Variants in MGST1 observed in about 807,000 individuals in gnomAD.
MGST1 encodes microsomal glutathione S-transferase 1, also known as glutathione S-transferase 12.
A neutral mutation model predicts 8.9 loss-of-function variants in MGST1; 5 were observed. That is an observed-to-expected ratio of 0.56 (90% CI 0.29 to 1.19). MGST1 has a LOEUF of 1.19. Among genes scored for constraint, MGST1 ranks in the 50% most tolerant of loss-of-function variants. The pLI, the probability that MGST1 is intolerant of heterozygous loss-of-function variation, is 0.08. For missense variants in MGST1, 182 were observed against 187.4 expected (o/e 0.97, Z 0.17); for synonymous variants, 54 against 67.8 (o/e 0.80, Z 1.00).
intron 4 of MGST1, among the ~76,000 whole-genome samples, chr12:16,511,326 C>T (rs191975146): frequency 6.6e-6 from 1 of 152,346 alleles, no homozygotes; most frequent in African/African-American, 2.4e-5. Flanking sequence ...ATGACTTTGG[C>T]CTTTTTTACT....
intron 4 of MGST1, among the ~76,000 whole-genome samples, chr12:16,580,345 A>G (rs1943120892): frequency 1.3e-5 from 2 of 152,220 alleles, no homozygotes; most frequent in African/African-American, 4.8e-5. Context: ...GAGCAAAGAC[A>G]CCACAAGGAT....
downstream of MGST1, among the ~76,000 whole-genome samples, chr12:16,379,812 C>T (rs1047112784): frequency 2.0e-5 from 3 of 152,172 alleles, no homozygotes; most frequent in Non-Finnish European, 4.4e-5. Context: ...TTGATTATTG[C>T]CTCAATTTCA....
chr12:16,513,744 G>C lies in MGST1; in HGVS notation n.483-75784G>C. ...CCTTGGGCGAGAATAGCGAAGTCTC[G>C]AAAAGTGGCCGGTTTGTCACTGTGC... On this transcript the variant is annotated intron_variant and non_coding_transcript_variant, in intron 4 of 4. Coordinates refer to the MGST1 transcript ENST00000538857. The surrounding 1 kb of genome is among the most constrained non-coding windows in gnomAD (Gnocchi z 4.2). 1.7e-6 allele frequency: 1 copy of C among 574,934 alleles called. No homozygotes were observed. The highest frequency in any genetic ancestry group is 3.5e-6 in the Non-Finnish European group (1 of 287,438). 35.6% of individuals were successfully genotyped at this position (574,934 alleles called of 1,614,324 possible).
Position 16,587,099 on chromosome 12 carries a change from A to G in MGST1, n.483-2429A>G, listed in dbSNP as rs1943345028. Among the ~76,000 whole-genome samples, 1 of 152,192 alleles carries G rather than the reference A, an allele frequency of 6.6e-6. No homozygotes were observed. Among genetic ancestry groups the G allele is most frequent in the Non-Finnish European group, 1.5e-5 (1 of 68,014 alleles). On this transcript the variant is annotated intron_variant and non_coding_transcript_variant, in intron 4 of 4. Transcript: ENST00000538857. The surrounding 1 kb of genome is among the most constrained non-coding windows in gnomAD (Gnocchi z 4.3). ...ATCTAATGCATTTAACTACCAAACT[A>G]TGCCCACAAGGGTACTTGGACAATG...
intron 1 of MGST1, among the ~76,000 whole-genome samples, chr12:16,417,453 G>T (rs1014509674): frequency 2.6e-5 from 4 of 152,100 alleles, no homozygotes; most frequent in African/African-American, 9.7e-5. Flanking sequence ...TTTTGGTGGG[G>T]ACAGAGAGCC....
intron 1 of MGST1, among the ~76,000 whole-genome samples, chr12:16,418,513 C>T (rs575799077): frequency 2.6e-5 from 4 of 152,290 alleles, no homozygotes; most frequent in South Asian, 2.1e-4. Context: ...CACGTTTCAA[C>T]AAGCGGTGTC....
At chr12:16,531,580 T>C (rs543790095) in intron 4 of MGST1, among the ~76,000 whole-genome samples, 1 of 152,224 alleles carries the variant, frequency 6.6e-6, no homozygotes, top group African/African-American at 2.4e-5. Flanking sequence ...ATTGTGCCAC[T>C]GCACTCCAGC....
chr12:16,407,863 C>G (rs1369504699), intron 1 of MGST1, among the ~76,000 whole-genome samples: 3 of 151,718 alleles, frequency 2.0e-5, no homozygotes, highest in Non-Finnish European at 2.9e-5. Flanking sequence ...GAAACCCTGT[C>G]TCTACTAAAA....
intron 4 of MGST1, among the ~76,000 whole-genome samples, chr12:16,512,090 C>G (rs1192405953): frequency 1.3e-5 from 2 of 152,118 alleles, no homozygotes; most frequent in Admixed American, 6.5e-5. Context: ...GAATAATCTA[C>G]AACTTTGTCA....
intron 4 of MGST1, among the ~76,000 whole-genome samples, chr12:16,470,415 A>C (rs940953190): frequency 6.6e-6 from 1 of 152,208 alleles, no homozygotes; most frequent in Non-Finnish European, 1.5e-5. Flanking sequence ...ATAATAATGA[A>C]ATATTTCTCC....
intron 1 of MGST1, among the ~76,000 whole-genome samples, chr12:16,398,205 C>T (rs570959199): frequency 6.6e-6 from 1 of 152,172 alleles, no homozygotes; most frequent in South Asian, 2.1e-4. Flanking sequence ...GAGACCCCTC[C>T]CCACTTCTCT....
At chr12:16,414,281 T>C (rs1304224495) in intron 1 of MGST1, among the ~76,000 whole-genome samples, 2 of 151,366 alleles carry the variant, frequency 1.3e-5, no homozygotes, top group South Asian at 4.2e-4. Context: ...TCACAATTAA[T>C]TGGTAAACCA....
intron 1 of MGST1, among the ~76,000 whole-genome samples, chr12:16,398,910 C>G (rs955717385): frequency 2.0e-5 from 3 of 152,148 alleles, no homozygotes; most frequent in African/African-American, 7.2e-5. Context: ...TATTAAGGGT[C>G]ACCTTGTACC....
At chr12:16,463,751 GT>G (rs1379125772) in intron 4 of MGST1, among the ~76,000 whole-genome samples, 2 of 151,774 alleles carry the variant, frequency 1.3e-5, no homozygotes, top group African/African-American at 4.8e-5. Context: ...TCTACCCTAC[GT>G]AGTGTGAAAA....
chr12:16,452,780 C>G (rs1376481649), intron 4 of MGST1, among the ~76,000 whole-genome samples: 4 of 151,842 alleles, frequency 2.6e-5, no homozygotes. Flanking sequence ...CAAACAGAAG[C>G]ATCCACGACT....
intron 4 of MGST1, among the ~76,000 whole-genome samples, chr12:16,530,731 G>C (rs2137199938): frequency 6.6e-6 from 1 of 152,186 alleles, no homozygotes; most frequent in Admixed American, 6.5e-5. Context: ...CTCCATCATG[G>C]GCCAGGGCAG....
At chr12:16,357,393 A>G in intron 2 of MGST1, 1 of 437,396 alleles carries the variant, frequency 2.3e-6, no homozygotes, top group South Asian at 3.6e-5. Flanking sequence ...CTGAGTAGCT[A>G]GGACCACAGG....
At chr12:16,472,652 C>T (rs1468114637) in intron 4 of MGST1, among the ~76,000 whole-genome samples, 1 of 152,120 alleles carries the variant, frequency 6.6e-6, no homozygotes, top group Non-Finnish European at 1.5e-5. Flanking sequence ...GATATCTTTT[C>T]AGTATTTGTT....
Position 16,410,147 on chromosome 12 carries a change from C to G in MGST1, n.778+26543C>G, listed in dbSNP as rs1324315986. 6.6e-6 allele frequency among the ~76,000 whole-genome samples: 1 copy of G among 152,130 alleles called. No homozygotes were observed. Among genetic ancestry groups the G allele is most frequent in the Non-Finnish European group, 1.5e-5 (1 of 68,008 alleles). On this transcript the variant is annotated intron_variant and non_coding_transcript_variant, in intron 1 of 1. Transcript: ENST00000359720. This position sits in a 1 kb window ranked among gnomAD's most constrained non-coding sequence, Gnocchi z 4.4. Reference sequence around the variant, plus strand: ...TAAGTTTGTCAGGTTCAGCAAATGTCACAGGGTCAAAGTGGTTATAGTGCT... The same window carrying G: ...TAAGTTTGTCAGGTTCAGCAAATGTGACAGGGTCAAAGTGGTTATAGTGCT...
Sources: gnomAD v4.1 joint callset for allele counts (sites outside exome capture counted in the v4.1 genomes callset) on GRCh38, gnomAD v4.1.1 for gene constraint, Gnocchi (gnomAD v3.1) non-coding constraint, MANE v1.5 for transcripts, NCBI Gene and HGNC (gene_info 2026-07-23, HGNC 2026-07-21) for gene names.